Variants in PCDHGA7 observed in about 807,000 individuals in gnomAD.
The protein encoded by PCDHGA7 is protocadherin gamma-A7.
In PCDHGA7, 44 loss-of-function variants were observed where a neutral mutation model predicts 58.3. That is an observed-to-expected ratio of 0.75 (90% confidence interval 0.59 to 0.97). The LOEUF is 0.97. Ranked by LOEUF, PCDHGA7 falls within the 50% of genes least tolerant of loss-of-function variation. The probability of loss-of-function intolerance (pLI) is 0.00; values close to 1 mark genes in which losing one functional copy is unlikely to be tolerated. For synonymous variants in PCDHGA7, 516 were observed against 504.2 expected, an observed-to-expected ratio of 1.02 and a Z score of -0.31; for missense variants, 1,266 against 1,188.7, an observed-to-expected ratio of 1.06 and a Z score of -0.96.
intron 2 of PCDHGA7, 91 bp from the exon 3 acceptor site, chr5:141,505,302 G>T: frequency 6.3e-7 from 1 of 1,592,714 alleles, no homozygotes; most frequent in Non-Finnish European, 8.5e-7. Context: ...TAGGGTTAGG[G>T]TACTAGGTTT....
chr5:141,384,223 G>A lies in PCDHGA7; in HGVS notation c.1324G>A (p.Val442Met), dbSNP rs1779858487. 6.2e-7 allele frequency: 1 copy of A among 1,613,742 alleles called. No individual in the cohort carries two copies. Among genetic ancestry groups the A allele is most frequent in the African/African-American group, 1.3e-5 (1 of 74,932 alleles). ...CAGGGAAACTCACATATTCATGCAGGTGGCAGACACCAACGATAACCCACC... is the reference window on the plus strand; with the variant it reads ...CAGGGAAACTCACATATTCATGCAGATGGCAGACACCAACGATAACCCACC... ...LSRETHIFMQ[V>M]ADTNDNPPTF... is the part of the protein sequence containing the mutation. The change falls in exon 1 of 4, where the codon GTG (valine) becomes ATG (methionine). Residue 442 changes from valine to methionine, a missense_variant. By Grantham distance (21) the Val-to-Met change is conservative. Transcript: ENST00000518325.
chr5:141,469,354 A>G (rs1160934469), intron 1 of PCDHGA7, among the ~76,000 whole-genome samples: 1 of 152,128 alleles, frequency 6.6e-6, no homozygotes, highest in Non-Finnish European at 1.5e-5. Flanking sequence ...AGGTGGATGG[A>G]TCATGAGGTA....
intron 1 of PCDHGA7, among the ~76,000 whole-genome samples, chr5:141,438,139 T>C (rs2097931816): frequency 6.6e-6 from 1 of 152,152 alleles, no homozygotes. Context: ...TGGCAAAAGA[T>C]AGCCAGCCTA....
intron 1 of PCDHGA7, chr5:141,421,909 C>T: frequency 1.9e-6 from 3 of 1,613,710 alleles, no homozygotes; most frequent in Non-Finnish European, 2.5e-6. Context: ...GGGCGCAGTT[C>T]CCATTCGTGT....
chr5:141,427,899 G>A, intron 1 of PCDHGA7: 1 of 1,571,372 alleles, frequency 6.4e-7, no homozygotes, highest in Non-Finnish European at 8.7e-7. Flanking sequence ...GGGCTCGCCC[G>A]CGCTCAGCGC....
At chr5:141,450,742 C>A (rs2098692216) in intron 1 of PCDHGA7, among the ~76,000 whole-genome samples, 1 of 152,118 alleles carries the variant, frequency 6.6e-6, no homozygotes, top group South Asian at 2.1e-4. Context: ...CCGCCTTGGC[C>A]TCCCAAAGTG....
intron 1 of PCDHGA7, among the ~76,000 whole-genome samples, chr5:141,386,802 A>T (rs1262742441): frequency 6.6e-6 from 1 of 152,248 alleles, no homozygotes; most frequent in East Asian, 1.9e-4. Context: ...AAAATTTATT[A>T]GATGCATAAA....
intron 1 of PCDHGA7, chr5:141,404,392 T>C (rs759142051): frequency 3.1e-6 from 5 of 1,613,820 alleles, no homozygotes; most frequent in African/African-American, 1.3e-5. Flanking sequence ...ATGACCCTGA[T>C]AGCAATGAGA....
Position 141,422,144 on chromosome 5 carries a change from G to A in PCDHGA7, c.2424+36821G>A, listed in dbSNP as rs748208921. On this transcript the variant is annotated intron_variant, in intron 1 of 3. Transcript: ENST00000518325. Reference sequence around the variant, plus strand: ...CAAACTGGAGAAGTTCAAGTACGGGGGTCTCTGGATTTTGAAAAATATAGA... The same window carrying A: ...CAAACTGGAGAAGTTCAAGTACGGGAGTCTCTGGATTTTGAAAAATATAGA... 1.9e-6 allele frequency: 3 copies of A among 1,583,402 alleles called. No individual in the cohort carries two copies. In the African/African-American group the frequency reaches 4.1e-5, roughly 22 times the overall value.
At chr5:141,389,133 A>G (rs1239484034) in intron 1 of PCDHGA7, 18 of 1,613,928 alleles carry the variant, frequency 1.1e-5, no homozygotes, top group Admixed American at 5.0e-5. Flanking sequence ...TCCAGAGTAC[A>G]ATATAACCGT....
At chr5:141,501,557 G>A (rs192507373) in intron 2 of PCDHGA7, among the ~76,000 whole-genome samples, 1 of 152,124 alleles carries the variant, frequency 6.6e-6, no homozygotes, top group Non-Finnish European at 1.5e-5. Context: ...CATAGGCCCT[G>A]GAATCATATT....
chr5:141,412,020 C>G (rs1158851404), intron 1 of PCDHGA7: 1 of 145,358 alleles, frequency 6.9e-6, no homozygotes, highest in Non-Finnish European at 1.5e-5. Context: ...TCTGAACATC[C>G]TGTTCTCTGT....
At chr5:141,500,887 T>C (rs557735403) in intron 2 of PCDHGA7, among the ~76,000 whole-genome samples, 1 of 95,622 alleles carries the variant, frequency 1.0e-5, no homozygotes, top group South Asian at 2.8e-4. Context: ...ATTTTTTTTT[T>C]TTGAGACAGT....
rs772487189 is a variant in PCDHGA7 at position 141,415,555 on chromosome 5, C to G, written c.2424+30232C>G. 5 of 1,613,954 alleles carry G rather than the reference C, an allele frequency of 3.1e-6. No homozygotes were observed. In the African/African-American group the frequency reaches 6.7e-5, roughly 22 times the overall value. On this transcript the variant is annotated intron_variant, in intron 1 of 3. Transcript: ENST00000518325. ...CCAGGAGAGCTGTGAGAAAAACGAT[C>G]CTTTGTCTTTGTTAGATGATTCGAA...
chr5:141,498,865 G>A (rs2099786522), intron 2 of PCDHGA7, among the ~76,000 whole-genome samples: 1 of 151,116 alleles, frequency 6.6e-6, no homozygotes, highest in Non-Finnish European at 1.5e-5. Flanking sequence ...CCCAGGAGGC[G>A]GAGGTTGCAG....
chr5:141,494,924 TGGGAGGAGATGGGGGAG>T, intron 2 of PCDHGA7, 59 bp downstream of exon 2: 1 of 1,613,498 alleles, frequency 6.2e-7, no homozygotes, highest in Admixed American at 1.7e-5. Flanking sequence ...AGGGATGACG[TGGGAGGAGATGGGGGAG>T]GGCCCAGCAT....
chr5:141,410,080 G>A (rs758499736), intron 1 of PCDHGA7: 2 of 1,612,672 alleles, frequency 1.2e-6, no homozygotes, highest in African/African-American at 2.7e-5. Context: ...CTGGGGAGGT[G>A]CGCACGGCTC....
intron 1 of PCDHGA7, chr5:141,407,948 G>T (rs978962452): frequency 7.0e-6 from 4 of 572,054 alleles, no homozygotes; most frequent in Non-Finnish European, 1.1e-5. Flanking sequence ...GCCGCTGTCG[G>T]CCAGTGCAGA....
chr5:141,418,980 A>C (rs1219866791), intron 1 of PCDHGA7: 2 of 1,614,004 alleles, frequency 1.2e-6, no homozygotes, highest in Non-Finnish European at 1.7e-6. Flanking sequence ...ACACGGGACC[A>C]AGACTCAGGG....
Sources: allele counts gnomAD v4.1 joint callset (sites outside exome capture counted in the v4.1 genomes callset), GRCh38; gene constraint gnomAD v4.1.1; transcripts MANE v1.5; gene names NCBI Gene and HGNC (gene_info 2026-07-23, HGNC 2026-07-21).